The following SATL1 variants were observed in gnomAD, a reference collection of about 807,000 sequenced individuals.
The protein encoded by SATL1 is spermidine/spermine N(1)-acetyltransferase-like protein 1.
In SATL1, 47 loss-of-function variants were observed where a neutral mutation model predicts 51.8. That is an observed-to-expected ratio of 0.91 (90% CI 0.72 to 1.16). The LOEUF (loss-of-function observed/expected upper bound fraction) is 1.16. Ranked by LOEUF, SATL1 falls within the 50% of genes most tolerant of loss-of-function variation. The pLI, the probability that SATL1 is intolerant of heterozygous loss-of-function variation, is 0.00. For missense variants in SATL1, 520 were observed against 526.4 expected, an observed-to-expected ratio of 0.99 and a Z score of 0.12; for synonymous variants, 176 against 182.4, an observed-to-expected ratio of 0.97 and a Z score of 0.28.
intron 3 of SATL1, 91 bp downstream of exon 3, chrX:85,107,237 A>G (rs1925068093): frequency 1.5e-6 from 1 of 679,159 alleles, no homozygotes; most frequent in Non-Finnish European, 2.3e-6. Flanking sequence ...CATAACTAGC[A>G]GAGGCAGAAT....
At chrX:85,175,468 A>G (rs1472423877) in intron 2 of SATL1, among the ~76,000 whole-genome samples, 1 of 111,572 alleles carries the variant, frequency 9.0e-6, no homozygotes, top group Non-Finnish European at 1.9e-5. Context: ...ACAAAACAAA[A>G]CACTTCTAAA....
intron 2 of SATL1, among the ~76,000 whole-genome samples, chrX:85,144,287 C>T (rs1926179145): frequency 8.9e-6 from 1 of 111,766 alleles, no homozygotes; most frequent in African/African-American, 3.3e-5. Context: ...CTTTTCACTC[C>T]TTTTAGCAAT....
chrX:85,116,113 G>A (rs1310904862), intron 2 of SATL1: 8 of 111,469 alleles, frequency 7.2e-5, no homozygotes, highest in Non-Finnish European at 1.3e-4. Context: ...CTTACCACTG[G>A]GAAATGTATC....
chrX:85,223,534 T>C (rs764694951), intron 2 of SATL1, among the ~76,000 whole-genome samples: 14 of 111,134 alleles, frequency 1.3e-4, no homozygotes, highest in Non-Finnish European at 2.5e-4. Flanking sequence ...AGAAATGATA[T>C]TGCATCATCC....
At chrX:85,166,525 A>G (rs11092583) in intron 2 of SATL1, among the ~76,000 whole-genome samples, 26,224 of 110,924 alleles carry the variant, frequency 0.24, 3,269 homozygotes, top group African/African-American at 0.48. Flanking sequence ...ATATTAAAAA[A>G]TGCCCCAAAT....
At position 85,208,398 on chromosome X, in the gene SATL1, T is replaced by A. The variant is rs760739068; in HGVS notation, c.-313+15807A>T. 3.7e-3 allele frequency among the ~76,000 whole-genome samples: 409 copies of A among 111,722 alleles called. 2 individuals carry two copies. Among genetic ancestry groups the A allele is most frequent in the African/African-American group, 0.013 (387 of 30,743 alleles). ...GTCTTTGTAGCAGCATGATTTATAA[T>A]CCTTTGGGTATATACCCAGTAATAG... On this transcript the variant is annotated intron_variant, in intron 2 of 7. Coordinates refer to ENST00000644105, the MANE Select transcript of SATL1 (RefSeq NM_001367857.2).
Position 85,107,508 on chromosome X carries a change from A to C in SATL1, c.1461T>G (p.Ser487Arg). Reference protein sequence around the residue: ...GQPGIWEPGPSQPGLSQQDLN... With the variant: ...GQPGIWEPGPRQPGLSQQDLN... Reference sequence around the variant, plus strand: ...GGTCTTGTTGGCTCAGGCCTGGCTGACTCGGCCCCGGTTCCCATATGCCTG... The same window carrying C: ...GGTCTTGTTGGCTCAGGCCTGGCTGCCTCGGCCCCGGTTCCCATATGCCTG... The change falls in exon 3 of 8, where the codon AGT becomes AGG. Residue 487 changes from serine (S) to arginine (R), a missense_variant. Physicochemically the swap from Ser to Arg is moderately radical, Grantham distance 110. This residue lies in a region of SATL1 where 488 missense variants were observed against 474.3 expected (regional missense o/e 1.03). Coordinates refer to ENST00000644105, the MANE Select transcript of SATL1 (RefSeq NM_001367857.2). The C allele has an allele frequency of 8.3e-7, 1 of 1,209,814 alleles. No homozygotes were observed. Among genetic ancestry groups the C allele is most frequent in the Non-Finnish European group, 1.1e-6 (1 of 894,981 alleles).
chrX:85,144,733 A>T (rs923155893), intron 2 of SATL1, among the ~76,000 whole-genome samples: 2 of 111,822 alleles, frequency 1.8e-5, no homozygotes, highest in Non-Finnish European at 3.8e-5. Context: ...AACATCATTA[A>T]GAGTTGGGGC....
chrX:85,207,402 C>T (rs187075682), intron 2 of SATL1: 1 of 111,743 alleles, frequency 8.9e-6, no homozygotes, highest in African/African-American at 3.3e-5. Flanking sequence ...ATTAGACGTA[C>T]CTTCATATCT....
At chrX:85,173,255 A>C (rs1927011323) in intron 2 of SATL1, among the ~76,000 whole-genome samples, 1 of 111,308 alleles carries the variant, frequency 9.0e-6, no homozygotes, top group South Asian at 3.7e-4. Context: ...GTATCAGATT[A>C]TGCTTATTTT....
rs1019039016 is a variant in SATL1 at position 85,122,631 on chromosome X, G to A, written c.-312-13351C>T. On this transcript the variant is annotated intron_variant, in intron 2 of 7. Coordinates refer to ENST00000644105, the MANE Select transcript of SATL1 (RefSeq NM_001367857.2). ...AATAAGTGTACAAAAAAAAAGAAAA[G>A]AAGAAGAAATAAACTTTTCTTTTTC... 1.5e-4 allele frequency among the ~76,000 whole-genome samples: 17 copies of A among 111,622 alleles called. No homozygotes were observed. The Admixed American group carries it at 1.6e-3, about 11-fold the overall frequency.
intron 2 of SATL1, chrX:85,207,885 C>A: frequency 8.7e-6 from 1 of 114,920 alleles, no homozygotes; most frequent in East Asian, 2.7e-4. Flanking sequence ...AGGACAGTCC[C>A]AGTATCTGTC....
intron 2 of SATL1, among the ~76,000 whole-genome samples, chrX:85,175,251 C>T (rs1467774859): frequency 9.0e-6 from 1 of 111,256 alleles, no homozygotes; most frequent in Non-Finnish European, 1.9e-5. Context: ...AATGCATGCT[C>T]AAGTTTTAGA....
chrX:85,185,983 A>G (rs1393176659), intron 2 of SATL1, among the ~76,000 whole-genome samples: 2 of 110,811 alleles, frequency 1.8e-5, no homozygotes, highest in Non-Finnish European at 3.8e-5. Flanking sequence ...GCCCACGGCG[A>G]GTACCACCTG....
intron 4 of SATL1, among the ~76,000 whole-genome samples, chrX:85,096,191 AATATAG>A (rs1438244243): frequency 3.6e-5 from 4 of 111,667 alleles, no homozygotes; most frequent in East Asian, 2.8e-4. Flanking sequence ...TAAACAAAAT[AATATAG>A]ATATAAATTT....
At chrX:85,099,944 G>A (rs1267266681) in intron 4 of SATL1, among the ~76,000 whole-genome samples, 9 of 112,483 alleles carry the variant, frequency 8.0e-5, no homozygotes, top group African/African-American at 2.6e-4. Flanking sequence ...AGTGTCTTAC[G>A]CCTGTAATCC....
At chrX:85,166,941 ATGTGTGTGTG>A (rs60077558) in intron 2 of SATL1, among the ~76,000 whole-genome samples, 153 of 77,570 alleles carry the variant, frequency 2.0e-3, no homozygotes, top group Middle Eastern at 6.9e-3. Flanking sequence ...ATATATGTGT[ATGTGTGTGTG>A]TGTGTGTGTG....
At chrX:85,185,223 G>A (rs1252712045) in intron 2 of SATL1, among the ~76,000 whole-genome samples, 1 of 112,618 alleles carries the variant, frequency 8.9e-6, no homozygotes, top group East Asian at 2.8e-4. Flanking sequence ...GGAGCTAGGG[G>A]ACGGGTGACA....
chrX:85,185,960 G>A (rs1927306373), intron 2 of SATL1, among the ~76,000 whole-genome samples: 1 of 110,495 alleles, frequency 9.1e-6, no homozygotes, highest in Admixed American at 9.7e-5. Context: ...CCTAGTTCTG[G>A]GTCTCACCCA....
Sources: gnomAD v4.1 joint callset for allele counts (sites outside exome capture counted in the v4.1 genomes callset) on GRCh38, gnomAD v4.1.1 for gene constraint, gnomAD v4.1.1 regional missense constraint, MANE v1.5 for transcripts, NCBI Gene and HGNC (gene_info 2026-07-23, HGNC 2026-07-21) for gene names.